Variants in IL31RA observed in about 807,000 individuals in gnomAD.
The protein encoded by IL31RA is interleukin 31 receptor A.
IL31RA carries 66 observed loss-of-function variants against 83.7 expected under a neutral mutation model. The observed-to-expected ratio is 0.79, with a 90% CI of 0.65 to 0.97. IL31RA has a LOEUF of 0.97. IL31RA is among the 50% of genes least tolerant of loss of function. IL31RA has a pLI of 0.00. For synonymous variants in IL31RA, 325 were observed against 329.0 expected (o/e 0.99, Z 0.13); for missense variants, 798 against 919.4 (o/e 0.87, Z 1.71).
At position 55,911,792 on chromosome 5, in the gene IL31RA, A is replaced by C. The variant is rs1056366784; in HGVS notation, c.1642+1120A>C. 6.9e-4 allele frequency among the ~76,000 whole-genome samples: 105 copies of C among 152,330 alleles called. 1 individual carries two copies. The highest frequency in any genetic ancestry group is 2.4e-3 in the African/African-American group (101 of 41,582). ...TCTTAAAGAATGAACAACGCTTTTTAGATTAAAAATGAAGGAACACTGCCA... is the reference window on the plus strand; with the variant it reads ...TCTTAAAGAATGAACAACGCTTTTTCGATTAAAAATGAAGGAACACTGCCA... On this transcript the variant is annotated intron_variant, in intron 12 of 14. Coordinates refer to ENST00000652347, the MANE Select transcript of IL31RA (RefSeq NM_139017.7).
At chr5:55,882,857 G>C (rs1251731813) in intron 4 of IL31RA, among the ~76,000 whole-genome samples, 187 bp from the exon 5 acceptor site, 4 of 152,014 alleles carry the variant, frequency 2.6e-5, no homozygotes, top group Non-Finnish European at 5.9e-5. Flanking sequence ...CTCTCACTGG[G>C]TATTCCTTTT....
At position 55,881,306 on chromosome 5, in the gene IL31RA, AAAAAAAG is replaced by A. The variant is rs1444819427; in HGVS notation, c.455-1732_455-1726del. Among the ~76,000 whole-genome samples, 279 of 152,030 alleles carry A rather than the reference AAAAAAAG, an allele frequency of 1.8e-3. 1 individual carries two copies. Among genetic ancestry groups the A allele is most frequent in the African/African-American group, 5.8e-3 (242 of 41,482 alleles). On this transcript the variant is annotated intron_variant, in intron 4 of 14. Transcript: ENST00000652347. ...GACAGAGCAAGGCTCCATCTCAAAA[AAAAAAAG>A]AAAAAGATAAAGAAAAAGAAAAAAA...
chr5:55,914,471 G>A (rs1156527793), intron 13 of IL31RA, among the ~76,000 whole-genome samples: 1 of 152,178 alleles, frequency 6.6e-6, no homozygotes, highest in Admixed American at 6.5e-5. Context: ...AACCATTGCA[G>A]GAAAGTATGG....
chr5:55,913,039 C>T (rs1749587383), intron 12 of IL31RA, among the ~76,000 whole-genome samples: 1 of 152,146 alleles, frequency 6.6e-6, no homozygotes, highest in African/African-American at 2.4e-5. Flanking sequence ...GGAATGAATG[C>T]TGCCAGGAAG....
intron 6 of IL31RA, 38 bp from the exon 7 acceptor site, chr5:55,896,312 T>G (rs372849883): frequency 8.5e-6 from 12 of 1,417,272 alleles, no homozygotes; most frequent in African/African-American, 1.4e-5. Flanking sequence ...GCAACTCCCT[T>G]ATCTCTGGGT....
At position 55,906,320 on chromosome 5, in the gene IL31RA, G is replaced by A. The variant is rs755781343; in HGVS notation, c.1252+32G>A. ...AGGGCGGAACTCACAGGTTCCCTCA[G>A]TGCAGGGTTTGGTTTCATTTTCATC... On this transcript the variant is annotated intron_variant, in intron 9 of 14. Coordinates refer to ENST00000652347, the MANE Select transcript of IL31RA (RefSeq NM_139017.7). 5.0e-5 allele frequency: 81 copies of A among 1,606,980 alleles called. 2 individuals are homozygous for A. In the Middle Eastern group the frequency reaches 8.1e-3, roughly 160 times the overall value.
intron 9 of IL31RA, among the ~76,000 whole-genome samples, chr5:55,906,791 C>T (rs1749186334): frequency 6.6e-6 from 1 of 152,106 alleles, no homozygotes; most frequent in African/African-American, 2.4e-5. Flanking sequence ...CAGGGTCTTG[C>T]TTGATTGCCA....
chr5:55,845,604 GT>G, the IL31RA span, among the ~76,000 whole-genome samples: 1 of 152,110 alleles, frequency 6.6e-6, no homozygotes, highest in African/African-American at 2.4e-5. Flanking sequence ...GGATCTCACG[GT>G]TTTTTAAGTG....
the IL31RA span, chr5:55,839,948 T>G: frequency 1.5e-6 from 1 of 654,584 alleles, no homozygotes. Context: ...AACGCTGCAC[T>G]TCATCGGCCA....
chr5:55,899,210 T>A (rs534511680), intron 7 of IL31RA, among the ~76,000 whole-genome samples: 147 of 152,296 alleles, frequency 9.7e-4, no homozygotes, highest in African/African-American at 3.5e-3. Context: ...TGGACTTATA[T>A]TCAGGCATTA....
intron 14 of IL31RA, among the ~76,000 whole-genome samples, chr5:55,915,160 A>G (rs1749716096): frequency 6.6e-6 from 1 of 152,200 alleles, no homozygotes; most frequent in African/African-American, 2.4e-5. Flanking sequence ...ATGAGGACCC[A>G]GTGCGTTCCC....
intron 11 of IL31RA, 24 bp downstream of exon 11, chr5:55,908,435 G>GA (rs749304607): frequency 1.9e-6 from 3 of 1,614,150 alleles, no homozygotes; most frequent in Admixed American, 1.7e-5. Flanking sequence ...TAGCGAAGTG[G>GA]AAAAAAACCC....
chr5:55,917,310 G>A lies in IL31RA; in HGVS notation c.*190G>A, dbSNP rs781247846. On this transcript the variant is annotated 3_prime_UTR_variant, in exon 15 of 15. Transcript: ENST00000652347. ...CGACCTTGTACTGGGAAGAAGGGAT[G>A]GTGATAAGCCCGAGTTTTGTAAAGG... is the stretch of plus-strand genomic sequence containing the variant. 3.4e-6 allele frequency: 5 copies of A among 1,479,632 alleles called. No individual in the cohort carries two copies. Among genetic ancestry groups the A allele is most frequent in the Non-Finnish European group, 4.5e-6 (5 of 1,121,276 alleles). The allele number at this position is 1,479,632 out of a possible 1,614,324, so 91.7% of individuals were successfully genotyped here. A position where few individuals can be genotyped will look rare whatever the true frequency, so the allele number is the denominator to read the frequency against.
chr5:55,900,821 A>C (rs1213237626), intron 8 of IL31RA, among the ~76,000 whole-genome samples: 1 of 152,138 alleles, frequency 6.6e-6, no homozygotes, highest in Non-Finnish European at 1.5e-5. Flanking sequence ...TATTTATTTT[A>C]CTACCTTTTT....
At chr5:55,866,306 C>T (rs1346115384) in intron 2 of IL31RA, among the ~76,000 whole-genome samples, 2 of 152,114 alleles carry the variant, frequency 1.3e-5, no homozygotes, top group Non-Finnish European at 2.9e-5. Flanking sequence ...GACTAGTGGT[C>T]CCTAGCCTTT....
At chr5:55,871,380 G>A (rs1746495466) in intron 3 of IL31RA, among the ~76,000 whole-genome samples, 1 of 152,090 alleles carries the variant, frequency 6.6e-6, no homozygotes, top group Non-Finnish European at 1.5e-5. Flanking sequence ...GCAAACACTG[G>A]TACCTTGCAA....
chr5:55,853,259 G>A, intron 1 of IL31RA: 3 of 1,136,496 alleles, frequency 2.6e-6, no homozygotes, highest in Non-Finnish European at 3.3e-6. Flanking sequence ...GTTGTTTCTG[G>A]TCTTTCAGAT....
In IL31RA at chr5:55,910,544, A is replaced by G. The variant is rs374076188; in HGVS notation, c.1514A>G (p.Asn505Ser). The change falls in exon 12 of 15, where the codon AAT becomes AGT. Residue 505 changes from asparagine (N) to serine (S), a missense_variant. Transcript: ENST00000652347. ...ATTTTTCCTTTAGCCAAGACAGTCA[A>G]TTCCAGCATCTTGCAGTACGGCCTG... ...EGGKGFSKTV[N>S]SSILQYGLES... The G allele has an allele frequency of 6.2e-7, 1 of 1,614,056 alleles. No individual in the cohort carries two copies. The highest frequency in any genetic ancestry group is 1.3e-5 in the African/African-American group (1 of 74,912).
Position 55,920,128 on chromosome 5 carries a change from G to A in IL31RA, c.*3008G>A, listed in dbSNP as rs988919616. 1.3e-5 allele frequency among the ~76,000 whole-genome samples: 2 copies of A among 152,190 alleles called. No homozygotes were observed. Among genetic ancestry groups the A allele is most frequent in the African/African-American group, 2.4e-5 (1 of 41,450 alleles). ...TCCTTCTGGTGTCTTGGGAGGCAGC[G>A]GTGTGAAAACACCACGCAAGGGTCT... is the stretch of plus-strand genomic sequence containing the variant. On this transcript the variant is annotated 3_prime_UTR_variant, in exon 15 of 15. Transcript: ENST00000652347.
Sources: allele counts gnomAD v4.1 joint callset (sites outside exome capture counted in the v4.1 genomes callset), GRCh38; gene constraint gnomAD v4.1.1; transcripts MANE v1.5; gene names NCBI Gene and HGNC (gene_info 2026-07-23, HGNC 2026-07-21).